The following SPG21 variants were observed in gnomAD, a reference collection of about 807,000 sequenced individuals.
The protein encoded by SPG21 is maspardin.
A neutral mutation model predicts 38.9 loss-of-function variants in SPG21; 26 were observed. The observed-to-expected ratio is 0.67, with a 90% confidence interval of 0.49 to 0.93. The LOEUF is 0.93. SPG21 is among the 40% of genes least tolerant of loss of function. SPG21 has a pLI of 0.00. For synonymous variants in SPG21, 136 were observed against 128.9 expected, an observed-to-expected ratio of 1.05 and a Z score of -0.37; for missense variants, 333 against 376.5, an observed-to-expected ratio of 0.88 and a Z score of 0.96.
intron 1 of SPG21, among the ~76,000 whole-genome samples, chr15:64,984,353 T>A (rs1436274190): frequency 6.6e-6 from 1 of 152,126 alleles, no homozygotes; most frequent in Non-Finnish European, 1.5e-5. Flanking sequence ...AGTTGATGTT[T>A]TTTTACTTTT....
chr15:64,984,831 C>A (rs2085957630), intron 1 of SPG21, among the ~76,000 whole-genome samples: 1 of 150,398 alleles, frequency 6.6e-6, no homozygotes, highest in South Asian at 2.1e-4. Flanking sequence ...CTCACTGCAA[C>A]CTCCACCCTC....
chr15:64,981,982 G>A (rs1024240887), intron 2 of SPG21, among the ~76,000 whole-genome samples: 2 of 152,108 alleles, frequency 1.3e-5, no homozygotes, highest in Non-Finnish European at 2.9e-5. Flanking sequence ...ACTAACCAGG[G>A]TCACTGGCAT....
intron 7 of SPG21, 47 bp from the exon 8 acceptor site, chr15:64,965,507 C>G (rs758875406): frequency 1.2e-6 from 2 of 1,613,010 alleles, no homozygotes; most frequent in Non-Finnish European, 8.5e-7. Context: ...GTAAAACACA[C>G]ACACACATAC....
At chr15:64,987,958 C>T (rs1392966470) in intron 1 of SPG21, among the ~76,000 whole-genome samples, 1 of 152,154 alleles carries the variant, frequency 6.6e-6, no homozygotes, top group Non-Finnish European at 1.5e-5. Flanking sequence ...CACTTGAACC[C>T]GGGAGGCAGA....
At chr15:64,983,291 A>AATAT (rs937039564) in intron 2 of SPG21, 1 of 292,208 alleles carries the variant, frequency 3.4e-6, no homozygotes, top group African/African-American at 2.2e-5. Flanking sequence ...TAAATAAATA[A>AATAT]AAATGAGTAC....
chr15:64,971,117 G>C lies in SPG21; in HGVS notation c.453-895C>G, dbSNP rs552243073. Among the ~76,000 whole-genome samples, 7 of 152,240 alleles carry C rather than the reference G, an allele frequency of 4.6e-5. No homozygotes were observed. In the East Asian group the frequency reaches 1.2e-3, roughly 25 times the overall value. ...ACTCTGTTGCCCAGGCTGAAGTGCAGTATTGTGATCATAGCTCACTGTAGC... is the reference window on the plus strand; with the variant it reads ...ACTCTGTTGCCCAGGCTGAAGTGCACTATTGTGATCATAGCTCACTGTAGC... On this transcript the variant is annotated intron_variant, in intron 5 of 8. Coordinates refer to ENST00000204566, the MANE Select transcript of SPG21 (RefSeq NM_016630.7).
rs561321992 is a variant in SPG21 at position 64,967,111 on chromosome 15, G to A, written c.670-1651C>T. On this transcript the variant is annotated intron_variant, in intron 7 of 8. Transcript: ENST00000204566. ...AAACTGGAATCTTTGTGCATTGTTG[G>A]TGGGAACATGAAATGGTATAGCCAC... is the stretch of plus-strand genomic sequence containing the variant. 1.5e-4 allele frequency among the ~76,000 whole-genome samples: 23 copies of A among 152,112 alleles called. No individual in the cohort carries two copies. The South Asian group carries it at 3.5e-3, about 23-fold the overall frequency.
chr15:64,983,843 C>G (rs889824986), intron 1 of SPG21, among the ~76,000 whole-genome samples: 4 of 149,976 alleles, frequency 2.7e-5, no homozygotes, highest in African/African-American at 9.8e-5. Context: ...AGTGCAGTGG[C>G]GTGATCTCAG....
intron 7 of SPG21, among the ~76,000 whole-genome samples, chr15:64,967,365 G>A (rs757262421): frequency 2.8e-4 from 43 of 151,918 alleles, no homozygotes; most frequent in Admixed American, 6.6e-4. Context: ...AGGCTGGAAC[G>A]CAGTGGCATG....
rs762105652 is a variant in SPG21 at position 64,983,557 on chromosome 15, T to C, written c.13A>G (p.Lys5Glu). The C allele has an allele frequency of 1.3e-6, 2 of 1,575,656 alleles. No individual in the cohort carries two copies. The highest frequency in any genetic ancestry group is 2.3e-5 in the East Asian group (1 of 44,314). ...AACCAGTTATAATCAGGAGAGACTT[T>C]AATCTCTCCCATGATTAGCTGAAAT... MGEI[K>E]VSPDYNWFRG... Residue 5 changes from lysine to glutamate, a missense_variant, in exon 2 of 9, where the codon AAA (lysine) becomes GAA (glutamate). Lys to Glu is a moderately conservative substitution (Grantham distance 56, BLOSUM62 1). Coordinates refer to ENST00000204566, the MANE Select transcript of SPG21 (RefSeq NM_016630.7).
intron 8 of SPG21, among the ~76,000 whole-genome samples, chr15:64,965,116 CAG>C (rs1445902094): frequency 6.6e-6 from 1 of 152,128 alleles, no homozygotes; most frequent in Non-Finnish European, 1.5e-5. Flanking sequence ...GGATGGTGGC[CAG>C]AGAGTCACTG....
At chr15:64,976,094 T>C (rs541789856) in intron 4 of SPG21, among the ~76,000 whole-genome samples, 1 of 152,266 alleles carries the variant, frequency 6.6e-6, no homozygotes, top group African/African-American at 2.4e-5. Flanking sequence ...GTAAATTATA[T>C]GGTATATGAA....
intron 5 of SPG21, among the ~76,000 whole-genome samples, chr15:64,970,865 G>A (rs559464779): frequency 1.3e-4 from 19 of 151,962 alleles, no homozygotes; most frequent in Non-Finnish European, 1.6e-4. Context: ...TCAGCCTTTC[G>A]AGTAGCTGCG....
In SPG21 at chr15:64,976,504, T is replaced by C. The variant is rs1451477599; in HGVS notation, c.277A>G (p.Lys93Glu). Residue 93 changes from lysine to glutamate, a missense_variant, in exon 4 of 9, where the codon AAA becomes GAA. By Grantham distance (56) the Lys-to-Glu change is moderately conservative. Coordinates refer to ENST00000204566, the MANE Select transcript of SPG21 (RefSeq NM_016630.7). ...DHLEFCDGFR[K>E]LLDHLQLDKV... ...TCCAATTGTAAATGGTCTAAAAGTT[T>C]TCTGAATCCATCACAGAACTCGAGA... 1 of 1,613,032 alleles carries C rather than the reference T, an allele frequency of 6.2e-7. No homozygotes were observed.
At chr15:64,981,418 T>A (rs186602890) in intron 2 of SPG21, 54 of 228,494 alleles carry the variant, frequency 2.4e-4, no homozygotes, top group African/African-American at 1.2e-3. Context: ...GCCTCCCAAG[T>A]AGCTGGGATT....
intron 8 of SPG21, 64 bp downstream of exon 8, chr15:64,965,256 G>T: frequency 6.2e-7 from 1 of 1,605,956 alleles, no homozygotes. Context: ...TCCATTAAAA[G>T]AAGTCTTTAT....
At position 64,981,033 on chromosome 15, in the gene SPG21, G is replaced by A; in HGVS notation, c.64-8C>T. 1 of 1,614,028 alleles carries A rather than the reference G, an allele frequency of 6.2e-7. No homozygotes were observed. On this transcript the variant is annotated splice_polypyrimidine_tract_variant and splice_region_variant and intron_variant, in intron 2 of 8. Coordinates refer to ENST00000204566, the MANE Select transcript of SPG21 (RefSeq NM_016630.7). ...ATCATCATCCACAATAATCTGGAGG[G>A]AAGGTTAAAAGAAAAAAGTGGAAAA... is the stretch of plus-strand genomic sequence containing the variant.
intron 7 of SPG21, among the ~76,000 whole-genome samples, chr15:64,966,956 AT>A (rs1440551492): frequency 6.6e-6 from 1 of 152,122 alleles, no homozygotes; most frequent in African/African-American, 2.4e-5. Flanking sequence ...TTAGGAACAA[AT>A]CCATTTATAA....
At position 64,980,815 on chromosome 15, in the gene SPG21, A is replaced by G. The variant is rs780620398; in HGVS notation, c.225+49T>C. ...CTGATGAGAGACAGAAGCATAAAAA[A>G]AAAAAAACACACAAAACGTGGGTCT... is the stretch of plus-strand genomic sequence containing the variant. On this transcript the variant is annotated intron_variant, in intron 3 of 8. Coordinates refer to ENST00000204566, the MANE Select transcript of SPG21 (RefSeq NM_016630.7). 5 of 1,607,000 alleles carry G rather than the reference A, an allele frequency of 3.1e-6. No homozygotes were observed. The Admixed American group carries it at 8.4e-5, about 27-fold the overall frequency.
Sources: allele counts gnomAD v4.1 joint callset (sites outside exome capture counted in the v4.1 genomes callset), GRCh38; gene constraint gnomAD v4.1.1; transcripts MANE v1.5; gene names NCBI Gene and HGNC (gene_info 2026-07-23, HGNC 2026-07-21).